ARID1B: variants seen among roughly 807,000 people sequenced by gnomAD.
ARID1B encodes AT-rich interaction domain 1B.
A neutral mutation model predicts 212.3 loss-of-function variants in ARID1B; 30 were observed. The ratio of observed to expected loss-of-function variants is 0.14; its 90% confidence interval spans 0.11 to 0.19. ARID1B has a LOEUF of 0.19. Ranked by LOEUF, ARID1B falls within the 10% of genes least tolerant of loss-of-function variation. The pLI is 1.00. For missense variants in ARID1B, 2,891 were observed against 3,204.0 expected, an observed-to-expected ratio of 0.90 and a Z score of 2.36; for synonymous variants, 1,402 against 1,301.7, an observed-to-expected ratio of 1.08 and a Z score of -1.66.
At chr6:156,787,015 A>G (rs1384817962) in intron 1 of ARID1B, among the ~76,000 whole-genome samples, 3 of 146,804 alleles carry the variant, frequency 2.0e-5, no homozygotes, top group Non-Finnish European at 4.5e-5. Flanking sequence ...CAACAATTGT[A>G]GGTTGTTGTG....
intron 8 of ARID1B, among the ~76,000 whole-genome samples, chr6:157,158,678 G>A (rs1167385658): frequency 2.0e-5 from 3 of 152,046 alleles, no homozygotes; most frequent in Non-Finnish European, 2.9e-5. Flanking sequence ...GTGGCTCCTC[G>A]GCAGCTAAGC....
In ARID1B at chr6:156,853,254, A is replaced by G. The variant is rs532023778; in HGVS notation, c.1986+23833A>G. Among the ~76,000 whole-genome samples the G allele has an allele frequency of 1.7e-4, 26 of 152,358 alleles. No individual in the cohort carries two copies. In the East Asian group the frequency reaches 5.0e-3, roughly 29 times the overall value. ...GTGTTGTGAGACTAGATGAAAGTCT[A>G]TGTAAAAATGAATTTGAAATATTTG... On this transcript the variant is annotated intron_variant, in intron 2 of 19. Transcript: ENST00000636930.
chr6:156,936,807 A>G (rs1792270814), intron 4 of ARID1B: 1 of 151,966 alleles, frequency 6.6e-6, no homozygotes. Flanking sequence ...TGGAATTTCA[A>G]CTATGTTTGC....
At chr6:157,126,924 ACT>A (rs903193157) in intron 6 of ARID1B, among the ~76,000 whole-genome samples, 5 of 152,206 alleles carry the variant, frequency 3.3e-5, no homozygotes, top group African/African-American at 1.2e-4. Context: ...CTATTCGCAA[ACT>A]CTGTTACAAG....
intron 5 of ARID1B, among the ~76,000 whole-genome samples, chr6:157,109,747 CTTA>C (rs1433694156): frequency 1.3e-5 from 2 of 152,048 alleles, no homozygotes; most frequent in Non-Finnish European, 2.9e-5. Context: ...CAGATTATGA[CTTA>C]TTAAGTATTT....
chr6:156,899,795 A>G (rs1196934807), intron 2 of ARID1B, among the ~76,000 whole-genome samples: 1 of 152,222 alleles, frequency 6.6e-6, no homozygotes, highest in Non-Finnish European at 1.5e-5. Context: ...GTAACCAGAA[A>G]GTCAACATAT....
intron 1 of ARID1B, among the ~76,000 whole-genome samples, chr6:156,785,821 A>ATGC (rs1779593489): frequency 1.3e-5 from 2 of 152,178 alleles, no homozygotes; most frequent in South Asian, 4.1e-4. Flanking sequence ...TTCCATCAGG[A>ATGC]TGCTAATGGT....
At chr6:156,925,147 C>T (rs566047244) in intron 3 of ARID1B, among the ~76,000 whole-genome samples, 1 of 152,308 alleles carries the variant, frequency 6.6e-6, no homozygotes, top group East Asian at 1.9e-4. Context: ...TGGTATTGCT[C>T]TGTTCTTTTC....
chr6:157,185,281 TC>T (rs531539028), intron 13 of ARID1B: 74 of 152,432 alleles, frequency 4.9e-4, no homozygotes, highest in African/African-American at 1.7e-3. Flanking sequence ...GTGACCTTAC[TC>T]CAGTAGATCC....
intron 3 of ARID1B, among the ~76,000 whole-genome samples, chr6:156,928,526 G>A (rs284429): frequency 0.28 from 42,237 of 152,050 alleles, 6,755 homozygotes; most frequent in African/African-American, 0.43. Context: ...ACTCTCTCCA[G>A]AGGTCCAAAC....
At chr6:156,789,008 T>C (rs1381751210) in intron 1 of ARID1B, among the ~76,000 whole-genome samples, 1 of 152,206 alleles carries the variant, frequency 6.6e-6, no homozygotes, top group Non-Finnish European at 1.5e-5. Context: ...TCTTCTGTAG[T>C]TCTTATGCAA....
intron 3 of ARID1B, among the ~76,000 whole-genome samples, chr6:156,923,822 C>A (rs141362094): frequency 0.011 from 1,682 of 151,960 alleles, 30 homozygotes; most frequent in African/African-American, 0.038. Flanking sequence ...ATTCTCATGC[C>A]TCAGCCTCCC....
chr6:156,977,091 C>CAA (rs144252627), intron 4 of ARID1B: 27 of 149,140 alleles, frequency 1.8e-4, no homozygotes, highest in South Asian at 5.1e-4. Context: ...TACATATTTA[C>CAA]AAAAAAAAAA....
At chr6:157,049,603 T>G (rs1275317479) in intron 4 of ARID1B, among the ~76,000 whole-genome samples, 1 of 152,202 alleles carries the variant, frequency 6.6e-6, no homozygotes, top group African/African-American at 2.4e-5. Context: ...CAAATTAAGT[T>G]TTCCTTTCAG....
intron 4 of ARID1B, among the ~76,000 whole-genome samples, chr6:156,985,802 A>G (rs1464183269): frequency 1.3e-5 from 2 of 152,176 alleles, no homozygotes; most frequent in Non-Finnish European, 1.5e-5. Flanking sequence ...GGGAACACAT[A>G]TCTAAATATC....
At chr6:157,175,042 T>C (rs1179885203) in intron 11 of ARID1B, 37 bp downstream of exon 11, 2 of 1,339,236 alleles carry the variant, frequency 1.5e-6, no homozygotes, top group Non-Finnish European at 1.9e-6. Context: ...TTTTTTGTTT[T>C]TTGTTTTTTT....
chr6:157,173,480 G>A (rs1320376299), intron 9 of ARID1B: 1 of 152,280 alleles, frequency 6.6e-6, no homozygotes, highest in Non-Finnish European at 1.5e-5. Context: ...GCCATCTGCT[G>A]TGATTGTCTT....
At chr6:157,067,997 CTATT>C (rs1434488885) in intron 4 of ARID1B, among the ~76,000 whole-genome samples, 2 of 152,182 alleles carry the variant, frequency 1.3e-5, no homozygotes, top group Non-Finnish European at 2.9e-5. Flanking sequence ...ATAAAATAAA[CTATT>C]TATCACTTCA....
rs180789956 is a variant in ARID1B, at chr6:156,800,671, C to G, written c.1791+21200C>G. On this transcript the variant is annotated intron_variant, in intron 1 of 19. Transcript: ENST00000636930. The stretch of plus-strand genomic sequence containing the variant: ...CCTGTAATTCCAGCATTTTGGGAGG[C>G]TGAGGCGGGAGCATCACTTGAGCCC... Among the ~76,000 whole-genome samples the G allele has an allele frequency of 5.9e-3, 894 of 152,226 alleles. 7 individuals carry two copies. Among genetic ancestry groups the G allele is most frequent in the African/African-American group, 0.02 (846 of 41,546 alleles).
Sources: allele counts gnomAD v4.1 joint callset (sites outside exome capture counted in the v4.1 genomes callset), GRCh38; gene constraint gnomAD v4.1.1; transcripts MANE v1.5; gene names NCBI Gene and HGNC (gene_info 2026-07-23, HGNC 2026-07-21).